Variants in NLK observed in about 807,000 individuals in gnomAD.
The protein encoded by NLK is nemo like kinase, also known as serine/threonine-protein kinase NLK.
Under a neutral mutation model 59.0 loss-of-function variants are expected in NLK, and 11 were observed. The observed-to-expected ratio is 0.19, with a 90% confidence interval of 0.12 to 0.31. The LOEUF is 0.31. Ranked by LOEUF, NLK falls within the 10% of genes least tolerant of loss-of-function variation. The probability of loss-of-function intolerance (pLI) is 1.00; values close to 1 mark genes in which losing one functional copy is unlikely to be tolerated. For missense variants in NLK, 410 were observed against 661.1 expected, an observed-to-expected ratio of 0.62 and a Z score of 4.16; for synonymous variants, 235 against 235.9, an observed-to-expected ratio of 1.00 and a Z score of 0.03.
At chr17:28,064,443 C>G (rs2142750421) in intron 1 of NLK, among the ~76,000 whole-genome samples, 1 of 152,202 alleles carries the variant, frequency 6.6e-6, no homozygotes, top group South Asian at 2.1e-4. Flanking sequence ...AGCCACTGCA[C>G]CTGGTAGTTA....
At chr17:28,120,165 C>T (rs938364228) in intron 1 of NLK, among the ~76,000 whole-genome samples, 2 of 151,672 alleles carry the variant, frequency 1.3e-5, no homozygotes, top group African/African-American at 4.8e-5. Flanking sequence ...CTGAATACAG[C>T]AATATATCAA....
intron 2 of NLK, 27 bp downstream of exon 2, chr17:28,122,759 A>G (rs1405761977): frequency 6.8e-6 from 11 of 1,612,694 alleles, no homozygotes; most frequent in Non-Finnish European, 8.5e-6. Context: ...TTTGGGGGAA[A>G]CTATTTCCTA....
chr17:28,151,604 C>G (rs1237362872), intron 3 of NLK, among the ~76,000 whole-genome samples: 1 of 152,140 alleles, frequency 6.6e-6, no homozygotes, highest in African/African-American at 2.4e-5. Flanking sequence ...GAAAGCATTT[C>G]TGCACAAGGG....
chr17:28,105,352 G>A (rs1162451436), intron 1 of NLK, among the ~76,000 whole-genome samples: 1 of 152,122 alleles, frequency 6.6e-6, no homozygotes, highest in Non-Finnish European at 1.5e-5. Flanking sequence ...AGAAGAAAAT[G>A]TATCCCTTTT....
At chr17:28,118,523 T>G (rs1249056428) in intron 1 of NLK, among the ~76,000 whole-genome samples, 1 of 152,230 alleles carries the variant, frequency 6.6e-6, no homozygotes, top group African/African-American at 2.4e-5. Flanking sequence ...AGTGACATTT[T>G]AGTGGCTGAG....
At chr17:28,065,400 G>A (rs1276295035) in intron 1 of NLK, among the ~76,000 whole-genome samples, 1 of 152,086 alleles carries the variant, frequency 6.6e-6, no homozygotes, top group African/African-American at 2.4e-5. Flanking sequence ...AGTGTTTGGG[G>A]ACCTGGAATT....
chr17:28,200,878 C>A (rs1178126793), downstream of NLK, among the ~76,000 whole-genome samples: 1 of 152,160 alleles, frequency 6.6e-6, no homozygotes, highest in Non-Finnish European at 1.5e-5. Flanking sequence ...GTTGACCTTT[C>A]TCTTTGTGAT....
chr17:28,119,447 T>C (rs1905923734), intron 1 of NLK, among the ~76,000 whole-genome samples: 1 of 152,214 alleles, frequency 6.6e-6, no homozygotes, highest in Non-Finnish European at 1.5e-5. Context: ...ATCTCCTTTA[T>C]TATGGTGGCT....
At chr17:28,114,112 A>G (rs1567717710) in intron 1 of NLK, among the ~76,000 whole-genome samples, 2 of 152,278 alleles carry the variant, frequency 1.3e-5, no homozygotes, top group East Asian at 3.9e-4. Context: ...ATATACTACA[A>G]TTTGTATACT....
intron 1 of NLK, among the ~76,000 whole-genome samples, chr17:28,112,255 T>A (rs547627580): frequency 1.3e-5 from 2 of 152,260 alleles, no homozygotes; most frequent in South Asian, 4.1e-4. Context: ...GCTTTCTCTG[T>A]TCTTTTCTAG....
chr17:28,112,337 G>A (rs1053825348), intron 1 of NLK, among the ~76,000 whole-genome samples: 2 of 152,038 alleles, frequency 1.3e-5, no homozygotes, highest in African/African-American at 4.8e-5. Flanking sequence ...AATCATGTTA[G>A]CTCCCTGTGA....
chr17:28,076,690 G>A (rs949139083), intron 1 of NLK, among the ~76,000 whole-genome samples: 1 of 152,066 alleles, frequency 6.6e-6, no homozygotes, highest in African/African-American at 2.4e-5. Context: ...CCATTTTTGT[G>A]CATCTGTGTA....
At position 28,119,665 on chromosome 17, in the gene NLK, G is replaced by T. The variant is rs77570225; in HGVS notation, c.459-2938G>T. Among the ~76,000 whole-genome samples, 998 of 152,208 alleles carry T rather than the reference G, an allele frequency of 6.6e-3. 17 individuals are homozygous for T. The highest frequency in any genetic ancestry group is 0.022 in the African/African-American group (930 of 41,520). On this transcript the variant is annotated intron_variant, in intron 1 of 10. Coordinates refer to ENST00000407008, the MANE Select transcript of NLK (RefSeq NM_016231.5). Reference sequence around the variant, plus strand: ...AATTGATTCAGGCAAAAATCATGAGGGGATACTAAAGTTAATGGATCAAAG... The same window carrying T: ...AATTGATTCAGGCAAAAATCATGAGTGGATACTAAAGTTAATGGATCAAAG...
intron 1 of NLK, among the ~76,000 whole-genome samples, chr17:28,072,625 T>C (rs1179386859): frequency 6.6e-6 from 1 of 152,150 alleles, no homozygotes; most frequent in Non-Finnish European, 1.5e-5. Context: ...TGTTCTGCTT[T>C]TCATATTTTT....
At chr17:28,072,432 C>G (rs892842598) in intron 1 of NLK, among the ~76,000 whole-genome samples, 2 of 150,870 alleles carry the variant, frequency 1.3e-5, no homozygotes, top group African/African-American at 4.9e-5. Context: ...CTCAAGCAAT[C>G]CTCCAACTTC....
At chr17:28,061,831 T>C (rs1411776455) in intron 1 of NLK, 2 of 145,392 alleles carry the variant, frequency 1.4e-5, no homozygotes, top group East Asian at 1.9e-4. Context: ...TATACATATA[T>C]ACATATACAT....
chr17:28,122,874 T>A lies in NLK; in HGVS notation c.588+142T>A, dbSNP rs967517768. 17 of 827,642 alleles carry A rather than the reference T, an allele frequency of 2.1e-5. No individual in the cohort carries two copies. The African/African-American group carries it at 2.7e-4, about 13-fold the overall frequency. The allele number at this position is 827,642 out of a possible 1,614,324, so 51.3% of individuals were successfully genotyped here. On this transcript the variant is annotated intron_variant, in intron 2 of 10. Transcript: ENST00000407008. ...GTTTTATGCCAAATGTGAAAAGAAA[T>A]AAGCGCACCAGTGAGGTTATGGGAG...
intron 8 of NLK, among the ~76,000 whole-genome samples, chr17:28,189,249 A>T (rs959856520): frequency 4.6e-5 from 7 of 152,196 alleles, no homozygotes; most frequent in African/African-American, 1.7e-4. Flanking sequence ...TGCAGGCCAG[A>T]TGCACCAATG....
downstream of NLK, among the ~76,000 whole-genome samples, chr17:28,197,396 G>T (rs368240792): frequency 6.6e-6 from 1 of 151,680 alleles, no homozygotes; most frequent in Non-Finnish European, 1.5e-5. Flanking sequence ...TTGAACCCAG[G>T]AGGTGGAGGT....
Sources: allele counts gnomAD v4.1 joint callset (sites outside exome capture counted in the v4.1 genomes callset), GRCh38; gene constraint gnomAD v4.1.1; transcripts MANE v1.5; gene names NCBI Gene and HGNC (gene_info 2026-07-23, HGNC 2026-07-21).